NRXN3: variants seen among roughly 807,000 people sequenced by gnomAD.
NRXN3 encodes the protein neurexin 3.
Under a neutral mutation model 137.6 loss-of-function variants are expected in NRXN3, and 32 were observed. The observed-to-expected ratio is 0.23, with a 90% CI of 0.18 to 0.31. The LOEUF is 0.31. Among genes scored for constraint, NRXN3 ranks in the 10% least tolerant of loss-of-function variants. The probability of loss-of-function intolerance (pLI) is 1.00; values close to 1 mark genes in which losing one functional copy is unlikely to be tolerated. For synonymous variants in NRXN3, 798 were observed against 784.5 expected (o/e 1.02, Z -0.29); for missense variants, 1,574 against 2,062.5 (o/e 0.76, Z 4.59).
chr14:79,466,463 C>A (rs1010568023), intron 15 of NRXN3, among the ~76,000 whole-genome samples: 6 of 152,080 alleles, frequency 3.9e-5, no homozygotes, highest in Non-Finnish European at 5.9e-5. Flanking sequence ...TGGCACGTGC[C>A]TGTAGTCCCA....
At chr14:78,380,681 TGA>T (rs2088910691) in intron 4 of NRXN3, among the ~76,000 whole-genome samples, 1 of 152,172 alleles carries the variant, frequency 6.6e-6, no homozygotes, top group African/African-American at 2.4e-5. Flanking sequence ...TTTAGAACTG[TGA>T]GAGAGTAATT....
chr14:78,304,395 G>A (rs2077159975), intron 4 of NRXN3, among the ~76,000 whole-genome samples: 1 of 151,996 alleles, frequency 6.6e-6, no homozygotes, highest in Non-Finnish European at 1.5e-5. Flanking sequence ...GAATTGTCAA[G>A]TTAAATCTAC....
chr14:79,533,369 G>A (rs2097185735), intron 16 of NRXN3, among the ~76,000 whole-genome samples: 1 of 151,996 alleles, frequency 6.6e-6, no homozygotes, highest in Admixed American at 6.6e-5. Context: ...TTCATTCAGT[G>A]CAAAGTGTCA....
chr14:79,699,594 G>A (rs942905641), intron 19 of NRXN3, among the ~76,000 whole-genome samples: 2 of 151,952 alleles, frequency 1.3e-5, no homozygotes, highest in Non-Finnish European at 2.9e-5. Flanking sequence ...GAATAAACTG[G>A]GTGAGTTCCT....
intron 19 of NRXN3, among the ~76,000 whole-genome samples, chr14:79,703,270 G>C (rs1369951813): frequency 1.3e-5 from 2 of 152,248 alleles, no homozygotes; most frequent in African/African-American, 4.8e-5. Context: ...AGTACTCTTA[G>C]CTTTTCAGTG....
intron 4 of NRXN3, among the ~76,000 whole-genome samples, chr14:78,339,110 C>T (rs1445038964): frequency 6.6e-6 from 1 of 152,168 alleles, no homozygotes; most frequent in East Asian, 1.9e-4. Context: ...GACTATTTGC[C>T]TAGGGGCTGG....
intron 4 of NRXN3, among the ~76,000 whole-genome samples, chr14:78,415,467 A>T: frequency 6.6e-6 from 1 of 152,090 alleles, no homozygotes; most frequent in South Asian, 2.1e-4. Flanking sequence ...ATTTCATGTA[A>T]TGTTAGCTTA....
chr14:79,862,654 T>C lies in NRXN3; in HGVS notation c.*690T>C. On this transcript the variant is annotated 3_prime_UTR_variant, in exon 21 of 21. Transcript: ENST00000335750. Reference sequence around the variant, plus strand: ...AAAAGCGAGAGAGACTATTGCCATATGAACTCAAAAGCTATCATGGTGTTC... The same window carrying C: ...AAAAGCGAGAGAGACTATTGCCATACGAACTCAAAAGCTATCATGGTGTTC... The C allele has an allele frequency of 6.6e-6, 1 of 152,618 alleles. No homozygotes were observed. Among genetic ancestry groups the C allele is most frequent in the East Asian group, 1.9e-4 (1 of 5,194 alleles). The allele number at this position is 152,618 out of a possible 1,614,324, so 9.5% of individuals were successfully genotyped here.
At chr14:79,097,579 TGAA>T (rs1333141112) in intron 15 of NRXN3, among the ~76,000 whole-genome samples, 1 of 152,220 alleles carries the variant, frequency 6.6e-6, no homozygotes, top group Admixed American at 6.5e-5. Context: ...GATTTGTGGC[TGAA>T]CTGGATGAAC....
intron 16 of NRXN3, among the ~76,000 whole-genome samples, chr14:79,654,156 C>T (rs1326810107): frequency 6.6e-6 from 1 of 152,034 alleles, no homozygotes; most frequent in Non-Finnish European, 1.5e-5. Flanking sequence ...CCAGGTTGGT[C>T]CGAGGCTACC....
chr14:79,029,347 C>A (rs1295622397), intron 15 of NRXN3, among the ~76,000 whole-genome samples: 6 of 152,086 alleles, frequency 3.9e-5, no homozygotes, highest in African/African-American at 1.4e-4. Flanking sequence ...AGCATATTGT[C>A]AAACTTATTA....
At chr14:79,010,167 C>T (rs1252244201) in intron 15 of NRXN3, among the ~76,000 whole-genome samples, 1 of 152,050 alleles carries the variant, frequency 6.6e-6, no homozygotes. Context: ...ATTTTTTAGC[C>T]TATGTTGTAG....
chr14:79,060,037 C>T (rs1470685918), intron 15 of NRXN3, among the ~76,000 whole-genome samples: 1 of 152,184 alleles, frequency 6.6e-6, no homozygotes, highest in African/African-American at 2.4e-5. Context: ...CTCTGAGGAA[C>T]AGCTCCCTTG....
intron 10 of NRXN3, among the ~76,000 whole-genome samples, chr14:78,847,495 C>T (rs2099030553): frequency 6.6e-6 from 1 of 152,020 alleles, no homozygotes; most frequent in African/African-American, 2.4e-5. Flanking sequence ...TGTCTGGACA[C>T]AAGCATCAGC....
intron 4 of NRXN3, among the ~76,000 whole-genome samples, chr14:78,491,588 A>T (rs1269192223): frequency 6.6e-6 from 1 of 152,204 alleles, no homozygotes; most frequent in Non-Finnish European, 1.5e-5. Flanking sequence ...ACACAACTAC[A>T]TATACGCAAA....
intron 15 of NRXN3, among the ~76,000 whole-genome samples, chr14:79,080,752 A>G (rs2202172): frequency 0.5 from 76,696 of 152,060 alleles, 22,592 homozygotes; most frequent in East Asian, 0.78. Flanking sequence ...AGCCTCCAAA[A>G]CAGAGTTTTG....
intron 15 of NRXN3, among the ~76,000 whole-genome samples, chr14:79,040,336 A>G (rs1218188332): frequency 3.3e-5 from 5 of 152,208 alleles, no homozygotes; most frequent in Non-Finnish European, 5.9e-5. Context: ...AAATGTAAAC[A>G]AATACTTCTA....
intron 10 of NRXN3, among the ~76,000 whole-genome samples, chr14:78,883,845 T>G (rs1326261224): frequency 6.6e-6 from 1 of 152,224 alleles, no homozygotes; most frequent in East Asian, 1.9e-4. Context: ...ATGAATTTGT[T>G]GCATGATATA....
At chr14:78,725,974 G>T (rs1468866222) in intron 8 of NRXN3, among the ~76,000 whole-genome samples, 1 of 152,116 alleles carries the variant, frequency 6.6e-6, no homozygotes, top group Non-Finnish European at 1.5e-5. Flanking sequence ...TAAGTAACTT[G>T]CTCAAGGTCA....
Sources: gnomAD v4.1 joint callset for allele counts (sites outside exome capture counted in the v4.1 genomes callset) on GRCh38, gnomAD v4.1.1 for gene constraint, MANE v1.5 for transcripts, NCBI Gene and HGNC (gene_info 2026-07-23, HGNC 2026-07-21) for gene names.